Variants in GALNT3 observed in about 807,000 individuals in gnomAD.
The protein encoded by GALNT3 is GalNAc transferase 3.
A neutral mutation model predicts 69.8 loss-of-function variants in GALNT3; 51 were observed. That is an observed-to-expected ratio of 0.73 (90% CI 0.58 to 0.92). The LOEUF (loss-of-function observed/expected upper bound fraction) is 0.92. GALNT3 is among the 40% of genes least tolerant of loss of function. The probability of loss-of-function intolerance (pLI) is 0.00; values close to 1 mark genes in which losing one functional copy is unlikely to be tolerated. For synonymous variants in GALNT3, 265 were observed against 248.5 expected (o/e 1.07, Z -0.63); for missense variants, 711 against 760.0 (o/e 0.94, Z 0.76).
Position 165,748,904 on chromosome 2 carries a change from C to T in GALNT3, c.1780-1G>A. On this transcript the variant is annotated splice_acceptor_variant, in intron 10 of 10. Transcript: ENST00000392701. LOFTEE classifies it high-confidence loss of function. ...AGAATGGATTGTATAGAAGTTGATC[C>T]TAGAATAAAAGGAAACAACAGACAT... 6.2e-7 allele frequency: 1 copy of T among 1,608,518 alleles called. No individual in the cohort carries two copies. The highest frequency in any genetic ancestry group is 8.5e-7 in the Non-Finnish European group (1 of 1,176,418).
At chr2:165,761,792 G>A (rs1289421165) in intron 4 of GALNT3, 113 bp downstream of exon 4, 5 of 1,161,336 alleles carry the variant, frequency 4.3e-6, no homozygotes, top group Non-Finnish European at 6.5e-6. Context: ...AGTTGAAAAC[G>A]CTGTTAAAGA....
intron 9 of GALNT3, among the ~76,000 whole-genome samples, chr2:165,753,064 A>G (rs1688382104): frequency 6.6e-6 from 1 of 152,186 alleles, no homozygotes. Flanking sequence ...GGGCATCTGT[A>G]TCATCTGCCC....
chr2:165,748,159 G>T lies in GALNT3; in HGVS notation c.*622C>A, dbSNP rs533691845. On this transcript the variant is annotated 3_prime_UTR_variant, in exon 11 of 11. Coordinates refer to ENST00000392701, the MANE Select transcript of GALNT3 (RefSeq NM_004482.4). ...AGTGCTTCAAGTGGAGTGTATTACA[G>T]ACTAAAAAATGTTTTAAAATTTGCC... is the stretch of plus-strand genomic sequence containing the variant. 7 of 189,222 alleles carry T rather than the reference G, an allele frequency of 3.7e-5. No individual in the cohort carries two copies. Among genetic ancestry groups the T allele is most frequent in the Non-Finnish European group, 6.7e-5 (6 of 90,196 alleles). The allele number at this position is 189,222 out of a possible 1,614,324, so 11.7% of individuals were successfully genotyped here.
At chr2:165,777,539 G>A (rs1682985795) in intron 1 of GALNT3, among the ~76,000 whole-genome samples, 1 of 152,178 alleles carries the variant, frequency 6.6e-6, no homozygotes, top group Non-Finnish European at 1.5e-5. Context: ...AGGGAACAGA[G>A]GAGTGGCAGA....
chr2:165,761,784 T>A lies in GALNT3; in HGVS notation c.838+121A>T, dbSNP rs908636057. On this transcript the variant is annotated intron_variant, in intron 4 of 10. Coordinates refer to ENST00000392701, the MANE Select transcript of GALNT3 (RefSeq NM_004482.4). Reference sequence around the variant, plus strand: ...GGGCTGTCATTGCTATAATCGCCAGTTGAAAACGCTGTTAAAGAAAATGCA... The same window carrying A: ...GGGCTGTCATTGCTATAATCGCCAGATGAAAACGCTGTTAAAGAAAATGCA... 3.6e-6 allele frequency: 4 copies of A among 1,099,294 alleles called. No homozygotes were observed. The African/African-American group carries it at 6.2e-5, about 17-fold the overall frequency. 68.1% of individuals were successfully genotyped at this position (1,099,294 alleles called of 1,614,324 possible). A position where few individuals can be genotyped will look rare whatever the true frequency, so the allele number is the denominator to read the frequency against.
intron 1 of GALNT3, among the ~76,000 whole-genome samples, chr2:165,785,453 T>G (rs1012071707): frequency 1.3e-5 from 2 of 152,100 alleles, no homozygotes; most frequent in Admixed American, 6.5e-5. Context: ...AAAGGAAGAT[T>G]TATCATATAC....
intron 1 of GALNT3, among the ~76,000 whole-genome samples, chr2:165,781,633 T>A (rs2105226304): frequency 6.6e-6 from 1 of 151,892 alleles, no homozygotes; most frequent in South Asian, 2.1e-4. Context: ...TCGAGCATAG[T>A]GGCTACTGAA....
chr2:165,759,575 A>G lies in GALNT3; in HGVS notation c.839-5T>C. 6.2e-7 allele frequency: 1 copy of G among 1,604,216 alleles called. No homozygotes were observed. Among genetic ancestry groups the G allele is most frequent in the Non-Finnish European group, 8.5e-7 (1 of 1,171,544 alleles). ...GCCAACCATAGAAACACTCACCTGG[A>G]GGGAACAGAATTTTAATTAATTCAA... On this transcript the variant is annotated splice_polypyrimidine_tract_variant and splice_region_variant and intron_variant, in intron 4 of 10. Transcript: ENST00000392701.
intron 2 of GALNT3, among the ~76,000 whole-genome samples, chr2:165,767,153 C>T (rs2105415816): frequency 6.6e-6 from 1 of 151,718 alleles, no homozygotes; most frequent in Non-Finnish European, 1.5e-5. Context: ...CACAACTACA[C>T]AGAAATAAAT....
chr2:165,767,199 G>A (rs1005025721), intron 2 of GALNT3, among the ~76,000 whole-genome samples: 2 of 150,894 alleles, frequency 1.3e-5, no homozygotes, highest in Non-Finnish European at 2.9e-5. Context: ...ACCCATAAAA[G>A]TTTATAACCA....
In GALNT3 at chr2:165,754,619, G is replaced by A. The variant is rs778435144; in HGVS notation, c.1626+8C>T. 1 of 1,594,202 alleles carries A rather than the reference G, an allele frequency of 6.3e-7. No homozygotes were observed. Among genetic ancestry groups the A allele is most frequent in the Non-Finnish European group, 8.6e-7 (1 of 1,162,318 alleles). ...TTACAAGTGAAGGATTTTTAATGCA[G>A]TGCTCACCTGGTTTCCCCCAAGTCC... On this transcript the variant is annotated splice_region_variant and intron_variant, in intron 9 of 10. Transcript: ENST00000392701.
Position 165,755,038 on chromosome 2 carries a change from C to A in GALNT3, c.1418G>T (p.Arg473Ile), listed in dbSNP as rs1267313278. 1 of 1,611,816 alleles carries A rather than the reference C, an allele frequency of 6.2e-7. No homozygotes were observed. The highest frequency in any genetic ancestry group is 1.3e-5 in the African/African-American group (1 of 74,962). ...KQKAFGDLSK[R>I]FEIKHRLQCK... ...CTGAAGGCGGTGTTTTATTTCAAAT[C>A]TTTTTGAAAGATCACCAAATGCTTT... Residue 473 changes from arginine (R) to isoleucine (I), a missense_variant, in exon 8 of 11, where the codon AGA becomes ATA. Arg to Ile is a moderately conservative substitution (Grantham distance 97, BLOSUM62 -3). Transcript: ENST00000392701.
intron 1 of GALNT3, 33 bp from the exon 2 acceptor site, chr2:165,770,841 C>T (rs1454689624): frequency 4.7e-6 from 4 of 851,756 alleles, no homozygotes; most frequent in Non-Finnish European, 7.1e-6. Context: ...GTATTAGTAG[C>T]TATTCAGTCC....
intron 4 of GALNT3, among the ~76,000 whole-genome samples, chr2:165,761,126 A>AC (rs1553492697): frequency 6.0e-4 from 91 of 151,418 alleles, no homozygotes; most frequent in East Asian, 1.9e-3. Flanking sequence ...TAAAAAAAAA[A>AC]ACACACACAC....
chr2:165,791,889 A>AGTAGAAAT (rs1054138438), intron 1 of GALNT3, among the ~76,000 whole-genome samples: 6 of 152,218 alleles, frequency 3.9e-5, no homozygotes, highest in Non-Finnish European at 2.9e-5. Flanking sequence ...TATTTGGACA[A>AGTAGAAAT]GTAGAAATGA....
In GALNT3 at chr2:165,749,851, T is replaced by C. The variant is rs1177400674; in HGVS notation, c.1670A>G (p.Gln557Arg). 2.5e-6 allele frequency: 4 copies of C among 1,613,582 alleles called. No homozygotes were observed. Among genetic ancestry groups the C allele is most frequent in the Admixed American group, 3.3e-5 (2 of 59,968 alleles). The change falls in exon 10 of 11, where the codon CAG becomes CGG. Residue 557 changes from glutamine (Q) to arginine (R), a missense_variant. By Grantham distance (43) the Gln-to-Arg change is conservative (BLOSUM62 1). Coordinates refer to ENST00000392701, the MANE Select transcript of GALNT3 (RefSeq NM_004482.4). ...AGCAGCATGAAGACATAATTCCTTC[T>C]GGATGTTGTGCCGAATTTCATGTTG... is the stretch of plus-strand genomic sequence containing the variant. The part of the protein sequence containing the change: ...SAQHEIRHNI[Q>R]KELCLHAAQG...
chr2:165,780,514 C>T (rs1381771102), intron 1 of GALNT3, among the ~76,000 whole-genome samples: 1 of 152,150 alleles, frequency 6.6e-6, no homozygotes, highest in East Asian at 1.9e-4. Flanking sequence ...TCTCTGCCTA[C>T]AGAAAAGTTT....
chr2:165,769,336 G>T (rs1175962540), intron 2 of GALNT3, among the ~76,000 whole-genome samples: 3 of 147,484 alleles, frequency 2.0e-5, no homozygotes, highest in Admixed American at 6.7e-5. Context: ...AACCCAGGAG[G>T]CAGAGGTTGC....
At chr2:165,784,891 T>C (rs1283140599) in intron 1 of GALNT3, among the ~76,000 whole-genome samples, 1 of 152,158 alleles carries the variant, frequency 6.6e-6, no homozygotes, top group Non-Finnish European at 1.5e-5. Flanking sequence ...TTCAAAAAGC[T>C]CAAAGAAAAC....
Sources: gnomAD v4.1 joint callset for allele counts (sites outside exome capture counted in the v4.1 genomes callset) on GRCh38, gnomAD v4.1.1 for gene constraint, MANE v1.5 for transcripts, NCBI Gene and HGNC (gene_info 2026-07-23, HGNC 2026-07-21) for gene names.